Variants in BLTP3B observed in about 807,000 individuals in gnomAD.
The protein encoded by BLTP3B is bridge-like lipid transfer protein family member 3B.
At chr12:100,141,007 C>A in the BLTP3B span, among the ~76,000 whole-genome samples, 1 of 151,718 alleles carries the variant, frequency 6.6e-6, no homozygotes, top group African/African-American at 2.4e-5. Flanking sequence ...CATCCTTGGA[C>A]GAGTGAGAAA....
At chr12:100,058,033 A>G in the BLTP3B span, 1 of 1,562,570 alleles carries the variant, frequency 6.4e-7, no homozygotes, top group Non-Finnish European at 8.6e-7. Flanking sequence ...TGTTACCTTA[A>G]AGATGACTGT....
the BLTP3B span, among the ~76,000 whole-genome samples, chr12:100,091,844 C>T: frequency 1.3e-4 from 19 of 147,408 alleles, no homozygotes; most frequent in Non-Finnish European, 1.9e-4. Flanking sequence ...CTTGCTCTGT[C>T]GCCCAGGACA....
the BLTP3B span, chr12:100,050,042 T>C: frequency 2.0e-6 from 2 of 985,010 alleles, no homozygotes; most frequent in Non-Finnish European, 2.8e-6. Flanking sequence ...TAACTACTAA[T>C]AATAAGTAAA....
At chr12:100,095,604 C>G in the BLTP3B span, 15 of 1,549,406 alleles carry the variant, frequency 9.7e-6, no homozygotes, top group Non-Finnish European at 1.3e-5. Context: ...CCAACAATTC[C>G]TTCTAATTTT....
At chr12:100,086,379 G>T in the BLTP3B span, 7 of 732,526 alleles carry the variant, frequency 9.6e-6, no homozygotes, top group Admixed American at 2.9e-5. Context: ...AAAAGGGGGG[G>T]GGGGAAATAT....
the BLTP3B span, among the ~76,000 whole-genome samples, chr12:100,106,393 G>A: frequency 6.6e-6 from 1 of 151,844 alleles, no homozygotes; most frequent in Non-Finnish European, 1.5e-5. Flanking sequence ...CAGAAAATGT[G>A]GTACATAAAT....
chr12:100,139,743 T>C, the BLTP3B span, among the ~76,000 whole-genome samples: 1 of 152,368 alleles, frequency 6.6e-6, no homozygotes, highest in East Asian at 1.9e-4. Context: ...ACCTACTTTA[T>C]GCCAGCCTCA....
At chr12:100,138,734 G>A in the BLTP3B span, among the ~76,000 whole-genome samples, 32 of 152,188 alleles carry the variant, frequency 2.1e-4, no homozygotes, top group Admixed American at 2.0e-3. Flanking sequence ...CTAAGGGAGC[G>A]AAGGAGAAGA....
chr12:100,091,448 A>G, the BLTP3B span, among the ~76,000 whole-genome samples: 1 of 151,528 alleles, frequency 6.6e-6, no homozygotes, highest in Non-Finnish European at 1.5e-5. Context: ...TTGGCCTCCC[A>G]AAGTACTGGG....
At chr12:100,037,775 G>C in the BLTP3B span, 3 of 1,570,598 alleles carry the variant, frequency 1.9e-6, no homozygotes, top group Admixed American at 5.9e-5. Context: ...TAAATGGCGG[G>C]GGGATAAGAT....
the BLTP3B span, among the ~76,000 whole-genome samples, chr12:100,081,921 T>C: frequency 2.6e-5 from 4 of 152,356 alleles, no homozygotes; most frequent in African/African-American, 9.6e-5. Flanking sequence ...CCTATGGGTA[T>C]ATACCCAGTA....
the BLTP3B span, chr12:100,108,337 A>AT: frequency 6.4e-7 from 1 of 1,561,158 alleles, no homozygotes; most frequent in Non-Finnish European, 8.6e-7. Context: ...TAGAAGGAAA[A>AT]CATGAAAGGC....
At chr12:100,125,755 C>T in the BLTP3B span, among the ~76,000 whole-genome samples, 1 of 152,178 alleles carries the variant, frequency 6.6e-6, no homozygotes, top group African/African-American at 2.4e-5. Context: ...ATTTGCCAGT[C>T]ACTCATTAGG....
At chr12:100,042,776 T>C in the BLTP3B span, among the ~76,000 whole-genome samples, 1 of 152,206 alleles carries the variant, frequency 6.6e-6, no homozygotes, top group Admixed American at 6.5e-5. Flanking sequence ...AAGGTTTAGA[T>C]AATCATTAGC....
chr12:100,088,164 G>A, the BLTP3B span, among the ~76,000 whole-genome samples: 1 of 152,094 alleles, frequency 6.6e-6, no homozygotes, highest in African/African-American at 2.4e-5. Flanking sequence ...TCCTGATTCA[G>A]ATCTGAGGCA....
the BLTP3B span, chr12:100,039,551 G>C: frequency 1.3e-6 from 2 of 1,523,610 alleles, no homozygotes; most frequent in African/African-American, 2.8e-5. Flanking sequence ...TTAATACCTA[G>C]TTATTTAATT....
the BLTP3B span, chr12:100,084,500 C>T: frequency 1.9e-6 from 3 of 1,613,204 alleles, no homozygotes; most frequent in South Asian, 3.3e-5. Flanking sequence ...TGGGGAGAGG[C>T]ATGTGTTGGG....
the BLTP3B span, among the ~76,000 whole-genome samples, chr12:100,098,739 T>TAAAA: frequency 6.9e-6 from 1 of 144,298 alleles, no homozygotes; most frequent in African/African-American, 2.5e-5. Flanking sequence ...CCATCTCTAC[T>TAAAA]AAAAAAAAAA....
At chr12:100,074,497 G>A in the BLTP3B span, among the ~76,000 whole-genome samples, 1 of 151,892 alleles carries the variant, frequency 6.6e-6, no homozygotes, top group Non-Finnish European at 1.5e-5. Flanking sequence ...TACTTGGGAG[G>A]CTGAGGCATA....
Sources: allele counts gnomAD v4.1 joint callset (sites outside exome capture counted in the v4.1 genomes callset), GRCh38; gene constraint gnomAD v4.1.1; transcripts MANE v1.5; gene names NCBI Gene and HGNC (gene_info 2026-07-23, HGNC 2026-07-21).